Variants in TIAM1 observed in about 807,000 individuals in gnomAD.
TIAM1 encodes TIAM Rac1 associated GEF 1.
In TIAM1, 65 loss-of-function variants were observed where a neutral mutation model predicts 163.5. The ratio of observed to expected loss-of-function variants is 0.40; its 90% CI spans 0.33 to 0.49. The LOEUF (loss-of-function observed/expected upper bound fraction) is 0.49, where lower values mean the gene tolerates loss of function less well. TIAM1 is among the 20% of genes least tolerant of loss of function. The pLI is 0.77. For missense variants in TIAM1, 1,789 were observed against 2,044.7 expected (o/e 0.87, Z 2.41); for synonymous variants, 833 against 810.1 (o/e 1.03, Z -0.48).
At chr21:31,518,436 C>T (rs745859994) in intron 1 of TIAM1, among the ~76,000 whole-genome samples, 3 of 152,128 alleles carry the variant, frequency 2.0e-5, no homozygotes, top group East Asian at 1.9e-4. Context: ...TACAGGCATG[C>T]GCCACCACGC....
At chr21:31,122,558 T>C (rs528283254) in intron 27 of TIAM1, among the ~76,000 whole-genome samples, 3 of 152,336 alleles carry the variant, frequency 2.0e-5, no homozygotes, top group South Asian at 4.1e-4. Flanking sequence ...AAAAACATTA[T>C]AGAATATAGA....
intron 2 of TIAM1, among the ~76,000 whole-genome samples, chr21:31,321,735 T>A (rs1463443648): frequency 6.6e-6 from 1 of 152,076 alleles, no homozygotes; most frequent in Admixed American, 6.6e-5. Context: ...CCAAACTGAT[T>A]GAAACTTTAA....
At chr21:31,468,217 T>G (rs576329162) in intron 1 of TIAM1, among the ~76,000 whole-genome samples, 1 of 152,028 alleles carries the variant, frequency 6.6e-6, no homozygotes. Flanking sequence ...GGCTCACGCA[T>G]GTAATCCCAG....
intron 1 of TIAM1, among the ~76,000 whole-genome samples, chr21:31,528,123 AT>A (rs1387084650): frequency 6.6e-6 from 1 of 152,152 alleles, no homozygotes; most frequent in Non-Finnish European, 1.5e-5. Flanking sequence ...AACTAGGGAG[AT>A]TAAGGGAGCA....
chr21:31,551,419 AAAAAG>A (rs1213354936), intron 1 of TIAM1, among the ~76,000 whole-genome samples: 1 of 149,172 alleles, frequency 6.7e-6, no homozygotes, highest in Non-Finnish European at 1.5e-5. Flanking sequence ...CAAAAAAGAA[AAAAAG>A]AAAAGAAAAA....
At chr21:31,217,002 T>G (rs2087251886) in intron 9 of TIAM1, among the ~76,000 whole-genome samples, 1 of 150,906 alleles carries the variant, frequency 6.6e-6, no homozygotes, top group Non-Finnish European at 1.5e-5. Flanking sequence ...GGGTCAGGAG[T>G]TCAAGACCAG....
chr21:31,417,176 C>T (rs2043402315), intron 2 of TIAM1, among the ~76,000 whole-genome samples: 1 of 152,166 alleles, frequency 6.6e-6, no homozygotes, highest in African/African-American at 2.4e-5. Flanking sequence ...GCATGCGCCA[C>T]CACGTCTGGC....
Position 31,163,816 on chromosome 21 carries a change from C to A in TIAM1, c.2991+1146G>T, listed in dbSNP as rs530040350. 2.6e-5 allele frequency among the ~76,000 whole-genome samples: 4 copies of A among 152,066 alleles called. No individual in the cohort carries two copies. In the East Asian group the frequency reaches 7.7e-4, roughly 29 times the overall value. ...CACCCTGATTTTGCAGATGAGAAAACAAAAGTATACAGTTATGTGATTTGC... is the reference window on the plus strand; with the variant it reads ...CACCCTGATTTTGCAGATGAGAAAAAAAAAGTATACAGTTATGTGATTTGC... On this transcript the variant is annotated intron_variant, in intron 16 of 27. Coordinates refer to ENST00000541036, the MANE Select transcript of TIAM1 (RefSeq NM_001353694.2).
chr21:31,552,048 C>CTTTTTTTTTTTTT (rs200300720), intron 1 of TIAM1, among the ~76,000 whole-genome samples: 1 of 80,116 alleles, frequency 1.2e-5, no homozygotes, highest in Non-Finnish European at 2.2e-5. Context: ...CTCTGCACTA[C>CTTTTTTTTTTTTT]TTTTTTTTTT....
intron 1 of TIAM1, among the ~76,000 whole-genome samples, chr21:31,519,305 C>CAAAAAAAA (rs369132676): frequency 5.6e-5 from 3 of 53,126 alleles, no homozygotes; most frequent in African/African-American, 7.8e-5. Flanking sequence ...AACTCTGTCT[C>CAAAAAAAA]AAAAAAAAAA....
intron 1 of TIAM1, among the ~76,000 whole-genome samples, chr21:31,466,521 G>A (rs967382707): frequency 5.3e-5 from 8 of 152,170 alleles, no homozygotes; most frequent in African/African-American, 1.9e-4. Flanking sequence ...GCTGAGAAGG[G>A]GGCTCAGAGA....
intron 16 of TIAM1, among the ~76,000 whole-genome samples, chr21:31,154,763 A>G (rs371001916): frequency 1.1e-4 from 16 of 152,270 alleles, no homozygotes; most frequent in African/African-American, 3.8e-4. Flanking sequence ...TGGGATTTGA[A>G]CCAGGCAATC....
At position 31,205,231 on chromosome 21, in the gene TIAM1, G is replaced by A. The variant is rs532631030; in HGVS notation, c.2389-2219C>T. The stretch of plus-strand genomic sequence containing the variant: ...TTTCCCACCTACCTGGGTCCTCACT[G>A]AAATCTTTAATTAGAAGCAAAAATT... On this transcript the variant is annotated intron_variant, in intron 11 of 27. Coordinates refer to ENST00000541036, the MANE Select transcript of TIAM1 (RefSeq NM_001353694.2). Among the ~76,000 whole-genome samples, 14 of 152,322 alleles carry A rather than the reference G, an allele frequency of 9.2e-5. No homozygotes were observed. The South Asian group carries it at 2.9e-3, about 32-fold the overall frequency.
intron 15 of TIAM1, among the ~76,000 whole-genome samples, chr21:31,177,978 C>CAGG (rs1270830012): frequency 4.6e-5 from 7 of 152,180 alleles, no homozygotes; most frequent in Non-Finnish European, 8.8e-5. Context: ...ACCTGCCACT[C>CAGG]AGGATGTTTC....
intron 4 of TIAM1, among the ~76,000 whole-genome samples, chr21:31,257,624 A>C (rs189375437): frequency 1.3e-3 from 192 of 152,070 alleles, no homozygotes; most frequent in African/African-American, 4.1e-3. Flanking sequence ...TCCTTCCATC[A>C]ATCCATCCGG....
chr21:31,481,232 A>G (rs936546255), intron 1 of TIAM1, among the ~76,000 whole-genome samples: 1 of 152,120 alleles, frequency 6.6e-6, no homozygotes, highest in Non-Finnish European at 1.5e-5. Context: ...ACACTCAACA[A>G]TAAGATTTAA....
intron 11 of TIAM1, among the ~76,000 whole-genome samples, chr21:31,204,110 A>AG (rs1380220417): frequency 7.2e-6 from 1 of 139,122 alleles, no homozygotes; most frequent in Non-Finnish European, 1.5e-5. Context: ...AAGAGGATAC[A>AG]GGGAAAAAAA....
At chr21:31,335,846 A>C (rs2075821571) in intron 2 of TIAM1, among the ~76,000 whole-genome samples, 1 of 152,222 alleles carries the variant, frequency 6.6e-6, no homozygotes, top group African/African-American at 2.4e-5. Flanking sequence ...GAGTTTAGAA[A>C]TCAGATAACA....
chr21:31,391,533 G>A (rs1291812754), intron 2 of TIAM1, among the ~76,000 whole-genome samples: 1 of 152,278 alleles, frequency 6.6e-6, no homozygotes, highest in Non-Finnish European at 1.5e-5. Context: ...GCTGAGGCAG[G>A]AGAATCGCTT....
Sources: allele counts gnomAD v4.1 joint callset (sites outside exome capture counted in the v4.1 genomes callset), GRCh38; gene constraint gnomAD v4.1.1; transcripts MANE v1.5; gene names NCBI Gene and HGNC (gene_info 2026-07-23, HGNC 2026-07-21).